Variants in SUGCT observed in about 807,000 individuals in gnomAD.
SUGCT encodes the protein succinyl-CoA:glutarate-CoA transferase.
In SUGCT, 41 loss-of-function variants were observed where a neutral mutation model predicts 55.0. The ratio of observed to expected loss-of-function variants is 0.74; its 90% CI spans 0.58 to 0.97. SUGCT has a LOEUF of 0.97. SUGCT is among the 50% of genes least tolerant of loss of function. SUGCT has a pLI of 0.00. For missense variants in SUGCT, 568 were observed against 547.8 expected (o/e 1.04, Z -0.37); for synonymous variants, 187 against 200.4 (o/e 0.93, Z 0.56).
chr7:40,374,158 A>T (rs1268030773), intron 9 of SUGCT, among the ~76,000 whole-genome samples: 1 of 152,148 alleles, frequency 6.6e-6, no homozygotes, highest in East Asian at 1.9e-4. Flanking sequence ...GCACATGCAT[A>T]TATAGGGTTG....
the SUGCT span, among the ~76,000 whole-genome samples, chr7:40,871,769 G>A: frequency 2.0e-5 from 3 of 151,806 alleles, no homozygotes; most frequent in Non-Finnish European, 4.4e-5. Context: ...ATTATGAAAG[G>A]GCAGTGTTGT....
intron 8 of SUGCT, among the ~76,000 whole-genome samples, chr7:40,307,892 A>G (rs917000508): frequency 1.3e-5 from 2 of 152,310 alleles, no homozygotes; most frequent in Non-Finnish European, 2.9e-5. Context: ...AAGTAACAGT[A>G]TTAGGTTAAA....
chr7:41,033,900 G>C, the SUGCT span, among the ~76,000 whole-genome samples: 14 of 152,044 alleles, frequency 9.2e-5, no homozygotes, highest in African/African-American at 3.1e-4. Context: ...TTGGGTCTTG[G>C]GGGGCCAAGT....
intron 9 of SUGCT, among the ~76,000 whole-genome samples, chr7:40,352,289 T>C (rs971332600): frequency 2.0e-5 from 3 of 152,252 alleles, no homozygotes; most frequent in Non-Finnish European, 4.4e-5. Flanking sequence ...TTTTAGTATA[T>C]GTGCTGCCAA....
At chr7:40,328,416 C>T (rs1165708280) in intron 9 of SUGCT, among the ~76,000 whole-genome samples, 1 of 152,102 alleles carries the variant, frequency 6.6e-6, no homozygotes, top group Admixed American at 6.6e-5. Flanking sequence ...TTGTGAGACT[C>T]ATCGTTTCTA....
At chr7:40,204,516 A>T (rs1434927011) in intron 6 of SUGCT, among the ~76,000 whole-genome samples, 1 of 151,894 alleles carries the variant, frequency 6.6e-6, no homozygotes, top group East Asian at 1.9e-4. Context: ...GTTAGCCAGG[A>T]TGGTCTCGAT....
intron 12 of SUGCT, among the ~76,000 whole-genome samples, chr7:40,661,941 G>C (rs866145250): frequency 1.3e-5 from 2 of 152,012 alleles, no homozygotes; most frequent in Non-Finnish European, 2.9e-5. Flanking sequence ...AATTGTTCTC[G>C]CCAGCTCAGT....
chr7:40,609,605 C>G (rs994615059), intron 12 of SUGCT, among the ~76,000 whole-genome samples: 3 of 151,392 alleles, frequency 2.0e-5, no homozygotes, highest in Non-Finnish European at 4.4e-5. Context: ...CTTTCACACA[C>G]TGTTTCTTAA....
At chr7:40,733,369 A>C (rs573506447) in intron 12 of SUGCT, among the ~76,000 whole-genome samples, 8 of 152,194 alleles carry the variant, frequency 5.3e-5, no homozygotes, top group Non-Finnish European at 1.0e-4. Flanking sequence ...GCCTGGTCAC[A>C]CAGGCTCCTT....
intron 6 of SUGCT, among the ~76,000 whole-genome samples, chr7:40,220,265 A>G (rs1249315334): frequency 6.6e-6 from 1 of 152,202 alleles, no homozygotes; most frequent in Non-Finnish European, 1.5e-5. Context: ...CTGACCCAGA[A>G]GTAGGAACTA....
In SUGCT at chr7:40,150,156, C is replaced by T. The variant is rs140656062; in HGVS notation, c.100+15036C>T. Among the ~76,000 whole-genome samples the T allele has an allele frequency of 4.0e-3, 610 of 152,322 alleles. 4 individuals are homozygous for T. The highest frequency in any genetic ancestry group is 0.014 in the African/African-American group (563 of 41,576). On this transcript the variant is annotated intron_variant, in intron 1 of 13. Coordinates refer to ENST00000335693, the MANE Select transcript of SUGCT (RefSeq NM_001193313.2). ...CTACAAGATTCTGACCCTCCCAGAA[C>T]TACTCCTAAGATCAGTGCTTGAGAT... is the stretch of plus-strand genomic sequence containing the variant.
At chr7:40,268,629 C>T (rs1005337021) in intron 7 of SUGCT, among the ~76,000 whole-genome samples, 1 of 151,798 alleles carries the variant, frequency 6.6e-6, no homozygotes, top group Non-Finnish European at 1.5e-5. Flanking sequence ...TGTGAGGACA[C>T]ATGCTTTCAT....
intron 6 of SUGCT, among the ~76,000 whole-genome samples, chr7:40,216,610 C>G (rs979288920): frequency 6.7e-6 from 1 of 150,058 alleles, no homozygotes; most frequent in Non-Finnish European, 1.5e-5. Flanking sequence ...TCAGCACTTT[C>G]GGAAGCCAAG....
chr7:40,772,877 G>A (rs781588333), intron 13 of SUGCT, among the ~76,000 whole-genome samples: 20 of 151,946 alleles, frequency 1.3e-4, no homozygotes, highest in African/African-American at 4.1e-4. Flanking sequence ...TGCCCGCCAC[G>A]GCCTCCCACA....
At chr7:40,277,236 G>C (rs1363923050) in intron 8 of SUGCT, among the ~76,000 whole-genome samples, 3 of 152,188 alleles carry the variant, frequency 2.0e-5, no homozygotes, top group Middle Eastern at 3.4e-3. Context: ...AGGCTGGAGT[G>C]CAGTGATGCG....
At chr7:40,917,376 T>C in the SUGCT span, among the ~76,000 whole-genome samples, 1 of 152,228 alleles carries the variant, frequency 6.6e-6, no homozygotes, top group South Asian at 2.1e-4. Context: ...AGGTTACTCT[T>C]ATAAAAATAT....
chr7:40,207,882 G>A (rs765490422), intron 6 of SUGCT, among the ~76,000 whole-genome samples: 15 of 152,052 alleles, frequency 9.9e-5, no homozygotes, highest in Admixed American at 2.6e-4. Context: ...GCAGGACCTC[G>A]AAGGATTATT....
chr7:40,471,780 A>G (rs1228088194), intron 11 of SUGCT, among the ~76,000 whole-genome samples: 1 of 152,098 alleles, frequency 6.6e-6, no homozygotes, highest in African/African-American at 2.4e-5. Flanking sequence ...CAACATAAAT[A>G]AATTGAAAAT....
chr7:40,456,131 T>A (rs1460168260), intron 10 of SUGCT, among the ~76,000 whole-genome samples: 1 of 152,132 alleles, frequency 6.6e-6, no homozygotes, highest in Non-Finnish European at 1.5e-5. Flanking sequence ...GTTCAAGTGA[T>A]TCTTGTGCCT....
Sources: gnomAD v4.1 joint callset for allele counts (sites outside exome capture counted in the v4.1 genomes callset) on GRCh38, gnomAD v4.1.1 for gene constraint, MANE v1.5 for transcripts, NCBI Gene and HGNC (gene_info 2026-07-23, HGNC 2026-07-21) for gene names.